The following AKAP13 variants were observed in gnomAD, a reference collection of about 807,000 sequenced individuals.
AKAP13 encodes A-kinase anchoring protein 13.
Under a neutral mutation model 264.5 loss-of-function variants are expected in AKAP13, and 80 were observed. The ratio of observed to expected loss-of-function variants is 0.30; its 90% CI spans 0.25 to 0.36. AKAP13 has a LOEUF of 0.36. Among genes scored for constraint, AKAP13 ranks in the 10% least tolerant of loss-of-function variants. The pLI, the probability that AKAP13 is intolerant of heterozygous loss-of-function variation, is 1.00. For synonymous variants in AKAP13, 1,380 were observed against 1,250.2 expected, an observed-to-expected ratio of 1.10 and a Z score of -2.19; for missense variants, 3,712 against 3,435.2, an observed-to-expected ratio of 1.08 and a Z score of -2.01.
chr15:85,715,984 ACAT>A, intron 20 of AKAP13, 61 bp downstream of exon 20: 1 of 1,543,296 alleles, frequency 6.5e-7, no homozygotes, highest in Non-Finnish European at 8.6e-7. Context: ...CATAATAATC[ACAT>A]CATATGACAA....
chr15:85,708,196 T>C lies in AKAP13; in HGVS notation c.5532+110T>C. ...GGTGGATTTTGTTTATTTTAATCAT[T>C]TGGTACCAACTTTGAGAACAAATTA... On this transcript the variant is annotated intron_variant, in intron 18 of 36. Coordinates refer to ENST00000394518, the MANE Select transcript of AKAP13 (RefSeq NM_007200.5). The surrounding 1 kb of genome is among the most constrained non-coding windows in gnomAD (Gnocchi z 4.3). 2 of 1,013,826 alleles carry C rather than the reference T, an allele frequency of 2.0e-6. No individual in the cohort carries two copies. Among genetic ancestry groups the C allele is most frequent in the Non-Finnish European group, 2.9e-6 (2 of 695,014 alleles). 62.8% of individuals were successfully genotyped at this position (1,013,826 alleles called of 1,614,324 possible).
Position 85,664,597 on chromosome 15 carries a change from G to T in AKAP13, c.4834G>T (p.Val1612Phe). The change falls in exon 13 of 37, where the codon GTC (valine) becomes TTC (phenylalanine). Residue 1612 changes from valine to phenylalanine, a missense_variant. Physicochemically the swap from Val to Phe is conservative, Grantham distance 50. Coordinates refer to ENST00000394518, the MANE Select transcript of AKAP13 (RefSeq NM_007200.5). ...AGAAGGCTTGACAGGAGGAGCTGGT[G>T]TCGGAAACAAGCCATCCTCATCTCT... is the stretch of plus-strand genomic sequence containing the variant. Reference protein sequence around the residue: ...SLEGLTGGAGVGNKPSSSLEV... With the variant: ...SLEGLTGGAGFGNKPSSSLEV... 5 of 1,613,686 alleles carry T rather than the reference G, an allele frequency of 3.1e-6. No individual in the cohort carries two copies. The highest frequency in any genetic ancestry group is 4.2e-6 in the Non-Finnish European group (5 of 1,179,720).
At chr15:85,434,764 T>A (rs559712995) in intron 1 of AKAP13, among the ~76,000 whole-genome samples, 1 of 151,858 alleles carries the variant, frequency 6.6e-6, no homozygotes, top group Non-Finnish European at 1.5e-5. Flanking sequence ...GAGGGTCCTG[T>A]CTGTTAGAAG....
At chr15:85,561,798 C>G (rs527700385) in intron 5 of AKAP13, among the ~76,000 whole-genome samples, 22 of 152,246 alleles carry the variant, frequency 1.4e-4, no homozygotes, top group African/African-American at 4.1e-4. Flanking sequence ...GGATGAAAAG[C>G]AAGAGAAAAA....
chr15:85,465,050 C>T (rs2151009202), intron 1 of AKAP13, among the ~76,000 whole-genome samples: 1 of 152,190 alleles, frequency 6.6e-6, no homozygotes, highest in East Asian at 1.9e-4. Flanking sequence ...ATGCCATACT[C>T]CTGCCTCAGC....
At chr15:85,669,475 A>G (rs145183899) in intron 13 of AKAP13, among the ~76,000 whole-genome samples, 412 of 152,354 alleles carry the variant, frequency 2.7e-3, no homozygotes, top group African/African-American at 9.4e-3. Flanking sequence ...TGGATACTCT[A>G]ATGATCCCCA....
intron 30 of AKAP13, among the ~76,000 whole-genome samples, chr15:85,734,001 C>T (rs183282251): frequency 9.2e-5 from 14 of 151,372 alleles, no homozygotes; most frequent in East Asian, 5.8e-4. Flanking sequence ...CCACCATGCC[C>T]GGCTAATTTT....
intron 2 of AKAP13, among the ~76,000 whole-genome samples, chr15:85,506,926 G>C (rs2076242685): frequency 1.3e-5 from 2 of 152,152 alleles, no homozygotes. Flanking sequence ...GTTCAGTTCT[G>C]TGCCTTCGTA....
intron 1 of AKAP13, among the ~76,000 whole-genome samples, chr15:85,425,536 T>C (rs1015407023): frequency 1.3e-5 from 2 of 151,962 alleles, no homozygotes; most frequent in Non-Finnish European, 2.9e-5. Flanking sequence ...GCCAACATGG[T>C]GAAACCTCTT....
At chr15:85,523,115 C>G (rs374548481) in intron 3 of AKAP13, among the ~76,000 whole-genome samples, 1 of 151,916 alleles carries the variant, frequency 6.6e-6, no homozygotes. Flanking sequence ...ACGTGTGAGC[C>G]TTTGATATGT....
At chr15:85,731,453 T>A (rs2088021732) in intron 30 of AKAP13, among the ~76,000 whole-genome samples, 1 of 152,224 alleles carries the variant, frequency 6.6e-6, no homozygotes, top group South Asian at 2.1e-4. Context: ...AATTTATCTT[T>A]GAACAATCTG....
intron 35 of AKAP13, 47 bp downstream of exon 35, chr15:85,741,542 AG>A (rs2088964092): frequency 6.6e-7 from 1 of 1,521,006 alleles, no homozygotes; most frequent in African/African-American, 1.4e-5. Flanking sequence ...ATATTAATTA[AG>A]ACCCCCTGTG....
intron 16 of AKAP13, chr15:85,691,994 G>A (rs749765163): frequency 2.0e-4 from 83 of 415,484 alleles, no homozygotes; most frequent in Admixed American, 1.1e-3. Context: ...CCTTTCCCTG[G>A]AACCCCATTT....
At position 85,450,600 on chromosome 15, in the gene AKAP13, A is replaced by C. The variant is rs80320305; in HGVS notation, c.-11-35110A>C. Among the ~76,000 whole-genome samples the C allele has an allele frequency of 4.5e-4, 69 of 152,180 alleles. 2 individuals are homozygous for C. In the East Asian group the frequency reaches 0.012, roughly 26 times the overall value. On this transcript the variant is annotated intron_variant, in intron 1 of 36. Transcript: ENST00000394518. ...CAAATAACTTCTGGATTTCTGCCTT[A>C]ATTTCATTATTTACCTAAAAGTCAT...
chr15:85,532,283 G>C (rs762103931), intron 3 of AKAP13, among the ~76,000 whole-genome samples: 1 of 152,188 alleles, frequency 6.6e-6, no homozygotes, highest in Non-Finnish European at 1.5e-5. Context: ...TTATTATTCT[G>C]ATTACATGGA....
intron 1 of AKAP13, among the ~76,000 whole-genome samples, chr15:85,471,149 A>C (rs1282687225): frequency 6.6e-6 from 1 of 152,234 alleles, no homozygotes; most frequent in Admixed American, 6.5e-5. Context: ...AAAGCATTAC[A>C]GCATTATAAA....
At chr15:85,716,855 GTGCCTGC>G (rs1597158095) in intron 20 of AKAP13, among the ~76,000 whole-genome samples, 1 of 152,300 alleles carries the variant, frequency 6.6e-6, no homozygotes, top group East Asian at 1.9e-4. Flanking sequence ...CATCAATTGG[GTGCCTGC>G]TGTGCTAGCT....
At chr15:85,486,372 T>C (rs2075545885) in intron 2 of AKAP13, among the ~76,000 whole-genome samples, 1 of 152,204 alleles carries the variant, frequency 6.6e-6, no homozygotes, top group Non-Finnish European at 1.5e-5. Context: ...CTAGGAATTG[T>C]ATAGGTTTAG....
intron 4 of AKAP13, among the ~76,000 whole-genome samples, chr15:85,541,529 T>C (rs1243770570): frequency 6.6e-6 from 1 of 152,230 alleles, no homozygotes; most frequent in Non-Finnish European, 1.5e-5. Context: ...TTGCTTGTTT[T>C]TGTATTTGTG....
Sources: allele counts gnomAD v4.1 joint callset (sites outside exome capture counted in the v4.1 genomes callset), GRCh38; gene constraint gnomAD v4.1.1; non-coding constraint Gnocchi (gnomAD v3.1); transcripts MANE v1.5; gene names NCBI Gene and HGNC (gene_info 2026-07-23, HGNC 2026-07-21).